Variants in ZMYND8 observed in about 807,000 individuals in gnomAD.
The protein encoded by ZMYND8 is zinc finger MYND-type containing 8.
ZMYND8 carries 37 observed loss-of-function variants against 140.8 expected under a neutral mutation model. The ratio of observed to expected loss-of-function variants is 0.26; its 90% CI spans 0.20 to 0.35. The LOEUF is 0.35. Ranked by LOEUF, ZMYND8 falls within the 10% of genes least tolerant of loss-of-function variation. The pLI is 1.00. For missense variants in ZMYND8, 1,068 were observed against 1,570.0 expected (o/e 0.68, Z 5.40); for synonymous variants, 592 against 597.1 (o/e 0.99, Z 0.12).
intron 2 of ZMYND8, among the ~76,000 whole-genome samples, chr20:47,332,380 G>A (rs1483576409): frequency 6.6e-6 from 1 of 152,066 alleles, no homozygotes; most frequent in Non-Finnish European, 1.5e-5. Flanking sequence ...AAAGATGTGG[G>A]GGTCAAGACA....
intron 8 of ZMYND8, among the ~76,000 whole-genome samples, chr20:47,283,928 AT>A (rs879846562): frequency 1.3e-3 from 185 of 139,518 alleles, no homozygotes; most frequent in South Asian, 2.5e-3. Context: ...CACAGCCACC[AT>A]TTTTTTTTTT....
At chr20:47,269,579 A>G (rs2075782780) in intron 11 of ZMYND8, among the ~76,000 whole-genome samples, 1 of 152,260 alleles carries the variant, frequency 6.6e-6, no homozygotes, top group Non-Finnish European at 1.5e-5. Context: ...TGTACAATTC[A>G]CAAGTGTGGG....
intron 12 of ZMYND8, among the ~76,000 whole-genome samples, chr20:47,254,052 G>A (rs139368746): frequency 2.0e-5 from 3 of 152,276 alleles, no homozygotes; most frequent in East Asian, 3.9e-4. Flanking sequence ...CCCCTCCTCC[G>A]CAGAGAGAAA....
At chr20:47,318,196 A>G (rs1569184787) in intron 2 of ZMYND8, among the ~76,000 whole-genome samples, 1 of 152,160 alleles carries the variant, frequency 6.6e-6, no homozygotes, top group South Asian at 2.1e-4. Context: ...GGATTTCTGC[A>G]TTTCAATCAG....
chr20:47,232,807 T>A lies in ZMYND8; in HGVS notation c.2857-3001A>T, dbSNP rs114635686. On this transcript the variant is annotated intron_variant, in intron 16 of 22. Transcript: ENST00000471951. ...AAATTACCCGCTTTCAATTCTCTAA[T>A]AATCCTACAGATTGCTTCAGCAAGA... is the stretch of plus-strand genomic sequence containing the variant. 7.4e-3 allele frequency among the ~76,000 whole-genome samples: 1,129 copies of A among 152,214 alleles called. 19 individuals carry two copies. Among genetic ancestry groups the A allele is most frequent in the African/African-American group, 0.026 (1,063 of 41,492 alleles).
chr20:47,310,137 G>C lies in ZMYND8; in HGVS notation c.153C>G (p.Gly51=), dbSNP rs2078812436. 6.2e-7 allele frequency: 1 copy of C among 1,613,662 alleles called. No individual in the cohort carries two copies. Among genetic ancestry groups the C allele is most frequent in the South Asian group, 1.1e-5 (1 of 91,020 alleles). ...KFPSPPHSSN[G]HSPQDTSTSP... ...TTGTTGATGTGTCCTGCGGCGAGTG[G>C]CCATTGGAAGAATGTGGAGGGCTGG... Residue 51 remains glycine, a synonymous_variant, in exon 3 of 23, where the codon GGC becomes GGG. Coordinates refer to ENST00000471951, the MANE Select transcript of ZMYND8 (RefSeq NM_001281775.3).
At chr20:47,287,377 T>C (rs775236531) in intron 7 of ZMYND8, 93 bp from the exon 8 acceptor site, 10 of 1,107,178 alleles carry the variant, frequency 9.0e-6, no homozygotes, top group African/African-American at 1.5e-5. Context: ...GTTTACTTGC[T>C]TTTCCCCCAG....
At chr20:47,338,286 C>T (rs1263213290) in intron 2 of ZMYND8, among the ~76,000 whole-genome samples, 1 of 152,102 alleles carries the variant, frequency 6.6e-6, no homozygotes, top group Non-Finnish European at 1.5e-5. Context: ...CTCCAGCCTT[C>T]CCACCAATGC....
chr20:47,300,884 TTGTGTG>T (rs200833449), intron 3 of ZMYND8, among the ~76,000 whole-genome samples: 11,795 of 130,238 alleles, frequency 0.091, 609 homozygotes, highest in African/African-American at 0.13. Context: ...ACAACTAATT[TTGTGTG>T]TGTGTGTGTG....
At chr20:47,255,689 G>GTA (rs367757125) in intron 12 of ZMYND8, among the ~76,000 whole-genome samples, 4,262 of 103,074 alleles carry the variant, frequency 0.041, 496 homozygotes, top group African/African-American at 0.16. Flanking sequence ...GTGTGTGTGT[G>GTA]TATATATATA....
intron 3 of ZMYND8, among the ~76,000 whole-genome samples, chr20:47,304,800 C>G (rs1019993454): frequency 6.6e-6 from 1 of 152,202 alleles, no homozygotes; most frequent in African/African-American, 2.4e-5. Flanking sequence ...TCAGACCCAT[C>G]TTACAGAGGC....
At chr20:47,268,979 T>C (rs1471307882) in intron 11 of ZMYND8, among the ~76,000 whole-genome samples, 1 of 151,972 alleles carries the variant, frequency 6.6e-6, no homozygotes, top group Admixed American at 6.6e-5. Context: ...GGCAGGCAGA[T>C]CATCTGAGGT....
chr20:47,308,204 C>T (rs1300489054), intron 3 of ZMYND8, among the ~76,000 whole-genome samples: 7 of 146,792 alleles, frequency 4.8e-5, no homozygotes, highest in African/African-American at 1.8e-4. Context: ...CTGTGGCTAC[C>T]ATCTTGGACG....
chr20:47,292,136 G>T (rs1200211720), intron 5 of ZMYND8, among the ~76,000 whole-genome samples: 1 of 152,198 alleles, frequency 6.6e-6, no homozygotes, highest in African/African-American at 2.4e-5. Context: ...TCAAGAAACA[G>T]ATCCTGTCCT....
chr20:47,284,382 G>C (rs1160790422), intron 8 of ZMYND8, among the ~76,000 whole-genome samples: 1 of 152,138 alleles, frequency 6.6e-6, no homozygotes, highest in East Asian at 1.9e-4. Context: ...ATTTTTGATT[G>C]TCACAAGTAG....
chr20:47,283,795 G>A (rs573212300), intron 8 of ZMYND8, 147 bp from the exon 9 acceptor site: 6 of 733,336 alleles, frequency 8.2e-6, no homozygotes, highest in South Asian at 5.1e-5. Flanking sequence ...ACTATGTATC[G>A]CTCCCAATGC....
At chr20:47,263,942 G>A (rs2075325878) in intron 11 of ZMYND8, among the ~76,000 whole-genome samples, 2 of 152,108 alleles carry the variant, frequency 1.3e-5, no homozygotes, top group South Asian at 4.2e-4. Context: ...TCTCAGCTAT[G>A]AGCAATTCTT....
chr20:47,209,743 C>G lies in ZMYND8; in HGVS notation c.*1018G>C, dbSNP rs2035005050. ...CTCTACAGCATACGTAGTGTACGGA[C>G]AGCATGACGGGCCTTGCTTTCTCTC... On this transcript the variant is annotated 3_prime_UTR_variant, in exon 23 of 23. Coordinates refer to ENST00000471951, the MANE Select transcript of ZMYND8 (RefSeq NM_001281775.3). The G allele has an allele frequency of 6.6e-6, 1 of 152,666 alleles. No homozygotes were observed. The highest frequency in any genetic ancestry group is 6.5e-5 in the Admixed American group (1 of 15,290). 9.5% of individuals were successfully genotyped at this position (152,666 alleles called of 1,614,324 possible). A position where few individuals can be genotyped will look rare whatever the true frequency, so the allele number is the denominator to read the frequency against.
At chr20:47,218,590 C>T (rs2036464224) in intron 21 of ZMYND8, among the ~76,000 whole-genome samples, 1 of 152,176 alleles carries the variant, frequency 6.6e-6, no homozygotes, top group African/African-American at 2.4e-5. Flanking sequence ...GGGTGGGGAG[C>T]ATGCGGCTAA....
Sources: allele counts gnomAD v4.1 joint callset (sites outside exome capture counted in the v4.1 genomes callset), GRCh38; gene constraint gnomAD v4.1.1; transcripts MANE v1.5; gene names NCBI Gene and HGNC (gene_info 2026-07-23, HGNC 2026-07-21).